TJP1: variants seen among roughly 807,000 people sequenced by gnomAD.
TJP1 encodes the protein tight junction protein 1.
TJP1 carries 43 observed loss-of-function variants against 194.2 expected under a neutral mutation model. The observed-to-expected ratio is 0.22, with a 90% CI of 0.17 to 0.29. The LOEUF (loss-of-function observed/expected upper bound fraction) is 0.29, where lower values mean the gene tolerates loss of function less well. Among genes scored for constraint, TJP1 ranks in the 10% least tolerant of loss-of-function variants. The pLI, the probability that TJP1 is intolerant of heterozygous loss-of-function variation, is 1.00. For missense variants in TJP1, 1,971 were observed against 2,185.7 expected (o/e 0.90, Z 1.96); for synonymous variants, 801 against 779.0 (o/e 1.03, Z -0.47).
intron 2 of TJP1, among the ~76,000 whole-genome samples, chr15:29,914,726 T>A (rs1289169392): frequency 6.6e-6 from 1 of 152,036 alleles, no homozygotes; most frequent in Non-Finnish European, 1.5e-5. Context: ...ATACCTCAAT[T>A]TATAGCAGAG....
At chr15:29,841,104 T>G (rs1424345863) in intron 2 of TJP1, among the ~76,000 whole-genome samples, 1 of 152,032 alleles carries the variant, frequency 6.6e-6, no homozygotes, top group Non-Finnish European at 1.5e-5. Context: ...CAACAAGAAC[T>G]CACAAGAAGG....
chr15:29,757,613 C>T (rs1314222714), intron 8 of TJP1, among the ~76,000 whole-genome samples: 1 of 152,102 alleles, frequency 6.6e-6, no homozygotes, highest in Admixed American at 6.6e-5. Flanking sequence ...GCAACTGGTA[C>T]TATTTATATC....
intron 2 of TJP1, among the ~76,000 whole-genome samples, chr15:29,795,413 T>C (rs893744940): frequency 7.3e-6 from 1 of 137,836 alleles, no homozygotes; most frequent in Non-Finnish European, 1.6e-5. Context: ...CAAGACTCTG[T>C]CTCAAAAAAA....
intron 2 of TJP1, among the ~76,000 whole-genome samples, chr15:29,836,685 T>C (rs2051044228): frequency 6.6e-6 from 1 of 152,208 alleles, no homozygotes; most frequent in Non-Finnish European, 1.5e-5. Context: ...TGAAACTTAA[T>C]CACCAATGTC....
At chr15:29,894,514 G>A (rs554759271) in intron 2 of TJP1, among the ~76,000 whole-genome samples, 23 of 152,330 alleles carry the variant, frequency 1.5e-4, no homozygotes, top group African/African-American at 5.5e-4. Flanking sequence ...TATGAACATA[G>A]GTGTCTTGGC....
At chr15:29,870,725 T>C (rs1187144104) in intron 2 of TJP1, among the ~76,000 whole-genome samples, 1 of 152,178 alleles carries the variant, frequency 6.6e-6, no homozygotes, top group Non-Finnish European at 1.5e-5. Flanking sequence ...GCAGGGATGT[T>C]AGGAAGACTA....
intron 18 of TJP1, among the ~76,000 whole-genome samples, chr15:29,720,980 G>A (rs187939519): frequency 3.9e-4 from 59 of 152,262 alleles, no homozygotes; most frequent in African/African-American, 1.4e-3. Context: ...GGAAGACAAC[G>A]AAGAAACTCT....
intron 2 of TJP1, among the ~76,000 whole-genome samples, chr15:29,774,513 T>C (rs1005425669): frequency 6.6e-6 from 1 of 152,170 alleles, no homozygotes; most frequent in African/African-American, 2.4e-5. Flanking sequence ...CAAAGGTTAA[T>C]AGATTCTATT....
intron 2 of TJP1, among the ~76,000 whole-genome samples, chr15:29,950,120 ACCACCACCT>A (rs1456918562): frequency 2.0e-5 from 1 of 49,538 alleles, no homozygotes; most frequent in African/African-American, 1.1e-4. Context: ...CACCTCCACA[ACCACCACCT>A]CCACCACCAC....
intron 1 of TJP1, among the ~76,000 whole-genome samples, chr15:29,818,800 C>T (rs1024178247): frequency 6.7e-6 from 1 of 150,204 alleles, no homozygotes; most frequent in Non-Finnish European, 1.5e-5. Flanking sequence ...ACACCGCGCC[C>T]GGCCACGTTT....
chr15:29,836,005 T>G (rs2051015744), intron 2 of TJP1, among the ~76,000 whole-genome samples: 1 of 152,160 alleles, frequency 6.6e-6, no homozygotes, highest in African/African-American at 2.4e-5. Context: ...TTCTTTAACT[T>G]CATACTCCCT....
chr15:29,808,652 G>A (rs756518397), intron 1 of TJP1, among the ~76,000 whole-genome samples: 6 of 152,144 alleles, frequency 3.9e-5, no homozygotes, highest in Admixed American at 6.5e-5. Flanking sequence ...GGTACGTATA[G>A]GGAAAGAATA....
chr15:29,762,021 T>C (rs2046039678), intron 6 of TJP1, among the ~76,000 whole-genome samples: 1 of 152,152 alleles, frequency 6.6e-6, no homozygotes, highest in African/African-American at 2.4e-5. Flanking sequence ...CTATTACTTA[T>C]AAACAAACGA....
chr15:29,771,881 G>C (rs1440615998), intron 4 of TJP1, among the ~76,000 whole-genome samples, 183 bp downstream of exon 4: 1 of 151,404 alleles, frequency 6.6e-6, no homozygotes, highest in Non-Finnish European at 1.5e-5. Context: ...TATCTAAACT[G>C]AGAAAATACA....
At chr15:29,936,518 C>T (rs2054886983) in intron 2 of TJP1, among the ~76,000 whole-genome samples, 1 of 152,144 alleles carries the variant, frequency 6.6e-6, no homozygotes, top group Admixed American at 6.5e-5. Context: ...ACAGGGCCAC[C>T]CGCCGGCTCT....
At chr15:29,714,663 C>T (rs2042449269) in intron 23 of TJP1, among the ~76,000 whole-genome samples, 1 of 150,174 alleles carries the variant, frequency 6.7e-6, no homozygotes, top group African/African-American at 2.5e-5. Context: ...GCCTCAGTCT[C>T]CCGAGTAGCT....
chr15:29,839,324 AGT>A (rs952459114), intron 2 of TJP1, among the ~76,000 whole-genome samples: 8 of 152,030 alleles, frequency 5.3e-5, no homozygotes, highest in Non-Finnish European at 1.0e-4. Flanking sequence ...AGGACATTTG[AGT>A]GGTTTCCAAA....
intron 2 of TJP1, among the ~76,000 whole-genome samples, chr15:29,947,818 C>T (rs1596306145): frequency 6.6e-6 from 1 of 152,124 alleles, no homozygotes; most frequent in South Asian, 2.1e-4. Context: ...AGAGACTGGA[C>T]GAATGAGGGC....
chr15:29,814,001 A>T (rs1206241760), intron 1 of TJP1, among the ~76,000 whole-genome samples: 1 of 152,228 alleles, frequency 6.6e-6, no homozygotes, highest in African/African-American at 2.4e-5. Flanking sequence ...CAGTATATTC[A>T]AGGAGCTGTT....
Sources: allele counts gnomAD v4.1 joint callset (sites outside exome capture counted in the v4.1 genomes callset), GRCh38; gene constraint gnomAD v4.1.1; transcripts MANE v1.5; gene names NCBI Gene and HGNC (gene_info 2026-07-23, HGNC 2026-07-21).